The following DOCK8 variants were observed in gnomAD, a reference collection of about 807,000 sequenced individuals.
The protein encoded by DOCK8 is dedicator of cytokinesis protein 8.
Under a neutral mutation model 245.6 loss-of-function variants are expected in DOCK8, and 141 were observed. The ratio of observed to expected loss-of-function variants is 0.57; its 90% confidence interval spans 0.50 to 0.66. The LOEUF is 0.66. DOCK8 is among the 30% of genes least tolerant of loss of function. The probability of loss-of-function intolerance (pLI) is 0.00; values close to 1 mark genes in which losing one functional copy is unlikely to be tolerated. For synonymous variants in DOCK8, 1,168 were observed against 970.2 expected (o/e 1.20, Z -3.79); for missense variants, 2,965 against 2,603.4 (o/e 1.14, Z -3.02).
At chr9:408,377 A>C (rs569013918) in intron 28 of DOCK8, among the ~76,000 whole-genome samples, 1 of 152,154 alleles carries the variant, frequency 6.6e-6, no homozygotes, top group Admixed American at 6.5e-5. Context: ...TTAGCTCTCA[A>C]TTCTGCCTCC....
At chr9:359,184 C>G (rs1180733271) in intron 14 of DOCK8, among the ~76,000 whole-genome samples, 1 of 152,186 alleles carries the variant, frequency 6.6e-6, no homozygotes, top group Non-Finnish European at 1.5e-5. Flanking sequence ...AGAAAAACCT[C>G]ATAGTTTATT....
At chr9:444,140 G>A (rs1587070328) in intron 43 of DOCK8, among the ~76,000 whole-genome samples, 1 of 151,888 alleles carries the variant, frequency 6.6e-6, no homozygotes, top group African/African-American at 2.4e-5. Flanking sequence ...CCCAAAATGG[G>A]TGTACAGTTC....
At chr9:339,637 C>T (rs1485430747) in intron 13 of DOCK8, among the ~76,000 whole-genome samples, 21 of 152,206 alleles carry the variant, frequency 1.4e-4, no homozygotes, top group Admixed American at 1.4e-3. Context: ...GCCTCAACCT[C>T]CCGAGTAGCT....
rs1167509067 is a variant in DOCK8 at position 446,430 on chromosome 9, G to T, written c.5641G>T (p.Val1881Phe). The change falls in exon 44 of 48, where the codon GTC becomes TTC. Residue 1881 changes from valine to phenylalanine, a missense_variant. By Grantham distance (50) the Val-to-Phe change is conservative. Coordinates refer to ENST00000432829, the MANE Select transcript of DOCK8 (RefSeq NM_203447.4). Reference sequence around the variant, plus strand: ...TGATGAGTATGAGATGAAAGACAGGGTCACATACTTTGAGAAGAATTTCAA... The same window carrying T: ...TGATGAGTATGAGATGAAAGACAGGTTCACATACTTTGAGAAGAATTTCAA... Reference protein sequence around the residue: ...YFDEYEMKDRVTYFEKNFNLR... With the variant: ...YFDEYEMKDRFTYFEKNFNLR... The T allele has an allele frequency of 1.2e-6, 2 of 1,614,202 alleles. No homozygotes were observed. Among genetic ancestry groups the T allele is most frequent in the Non-Finnish European group, 1.7e-6 (2 of 1,180,044 alleles).
intron 1 of DOCK8, among the ~76,000 whole-genome samples, chr9:220,460 T>C (rs1229668352): frequency 6.6e-6 from 1 of 152,108 alleles, no homozygotes; most frequent in African/African-American, 2.4e-5. Flanking sequence ...GGACCAAGTC[T>C]CCCATCTCAA....
chr9:217,509 A>G (rs564242441), intron 1 of DOCK8, among the ~76,000 whole-genome samples: 2 of 152,364 alleles, frequency 1.3e-5, no homozygotes, highest in African/African-American at 4.8e-5. Context: ...TTAATAAAGT[A>G]TAAAAGGTTC....
chr9:379,014 T>C (rs1274467434), intron 20 of DOCK8, among the ~76,000 whole-genome samples: 3 of 151,990 alleles, frequency 2.0e-5, no homozygotes, highest in African/African-American at 7.3e-5. Flanking sequence ...ACAGGGTCGG[T>C]ATGATTTTGT....
rs1161467356 is a variant in DOCK8 at position 252,429 on chromosome 9, C to G, written c.54-19198C>G. On this transcript the variant is annotated intron_variant, in intron 1 of 47. Transcript: ENST00000432829. ...TGCAAGATTTGAACCAGTTGTTATT[C>G]ATTGGAATATGATTACTGTGTAAGT... is the stretch of plus-strand genomic sequence containing the variant. Among the ~76,000 whole-genome samples the G allele has an allele frequency of 2.0e-5, 3 of 152,090 alleles. No homozygotes were observed. In the East Asian group the frequency reaches 5.8e-4, roughly 29 times the overall value.
chr9:328,181 T>G lies in DOCK8; in HGVS notation c.1044+10T>G, dbSNP rs189297595. On this transcript the variant is annotated intron_variant, in intron 9 of 47. Transcript: ENST00000432829. ...CTACCTGGTAGTCAAGGTAATTCAG[T>G]ACGATCTGATTTGCCCAATCTGATG... 2 of 1,611,556 alleles carry G rather than the reference T, an allele frequency of 1.2e-6. No individual in the cohort carries two copies. The highest frequency in any genetic ancestry group is 4.5e-5 in the East Asian group (2 of 44,708).
chr9:224,921 G>A (rs1310394249), intron 1 of DOCK8, among the ~76,000 whole-genome samples: 1 of 152,168 alleles, frequency 6.6e-6, no homozygotes, highest in Non-Finnish European at 1.5e-5. Flanking sequence ...TGTTGTCTGT[G>A]AGAACAAGAC....
intron 20 of DOCK8, among the ~76,000 whole-genome samples, chr9:379,291 T>A (rs2053642184): frequency 6.6e-6 from 1 of 152,132 alleles, no homozygotes; most frequent in Non-Finnish European, 1.5e-5. Context: ...TTTAGGTTAA[T>A]CTGTACAAGA....
intron 14 of DOCK8, among the ~76,000 whole-genome samples, chr9:364,630 T>A (rs2131150302): frequency 7.7e-6 from 1 of 130,410 alleles, no homozygotes; most frequent in South Asian, 2.3e-4. Context: ...TGAGATCCTG[T>A]CTCAAAAATT....
chr9:407,848 G>A (rs931893839), intron 28 of DOCK8, among the ~76,000 whole-genome samples: 2 of 152,122 alleles, frequency 1.3e-5, no homozygotes, highest in African/African-American at 2.4e-5. Flanking sequence ...GACAAAATTC[G>A]CTGCCCCTCA....
At chr9:253,174 T>C (rs2047690734) in intron 1 of DOCK8, among the ~76,000 whole-genome samples, 1 of 152,174 alleles carries the variant, frequency 6.6e-6, no homozygotes, top group African/African-American at 2.4e-5. Flanking sequence ...ACTTCCTCAG[T>C]GTCCCTGTAT....
At chr9:450,377 C>G (rs1453199973) in intron 45 of DOCK8, among the ~76,000 whole-genome samples, 3 of 152,100 alleles carry the variant, frequency 2.0e-5, no homozygotes, top group African/African-American at 7.2e-5. Context: ...ACCCAGCATG[C>G]CAAGGACCTT....
At chr9:275,392 A>G (rs1172991870) in intron 2 of DOCK8, among the ~76,000 whole-genome samples, 4 of 152,134 alleles carry the variant, frequency 2.6e-5, no homozygotes, top group Admixed American at 2.6e-4. Context: ...TAGGAGGCAA[A>G]GGCTTGATTG....
At chr9:236,182 T>C (rs1391061257) in intron 1 of DOCK8, among the ~76,000 whole-genome samples, 1 of 152,180 alleles carries the variant, frequency 6.6e-6, no homozygotes, top group Admixed American at 6.5e-5. Context: ...AGTGTGTGGC[T>C]TTCATCCTTA....
chr9:462,695 C>T (rs1368571192), intron 46 of DOCK8, among the ~76,000 whole-genome samples: 1 of 152,236 alleles, frequency 6.6e-6, no homozygotes, highest in Admixed American at 6.5e-5. Flanking sequence ...TTCTTTCTGG[C>T]ACCTGGTGTT....
intron 3 of DOCK8, among the ~76,000 whole-genome samples, chr9:288,377 C>G (rs548756679): frequency 1.3e-5 from 2 of 152,290 alleles, no homozygotes; most frequent in South Asian, 4.1e-4. Flanking sequence ...ATTCAGGTCC[C>G]TGCTCCACCA....
Sources: allele counts gnomAD v4.1 joint callset (sites outside exome capture counted in the v4.1 genomes callset), GRCh38; gene constraint gnomAD v4.1.1; transcripts MANE v1.5; gene names NCBI Gene and HGNC (gene_info 2026-07-23, HGNC 2026-07-21).